CD1B: variants seen among roughly 807,000 people sequenced by gnomAD.
CD1B encodes CD1b molecule, also known as T-cell surface glycoprotein CD1b.
In CD1B, 43 loss-of-function variants were observed where a neutral mutation model predicts 39.8. The observed-to-expected ratio is 1.08, with a 90% CI of 0.85 to 1.39. CD1B has a LOEUF of 1.39. Ranked by LOEUF, CD1B falls within the 40% of genes most tolerant of loss-of-function variation. CD1B has a pLI of 0.00. For missense variants in CD1B, 495 were observed against 403.8 expected (o/e 1.23, Z -1.94); for synonymous variants, 192 against 152.5 (o/e 1.26, Z -1.91).
At chr1:158,321,186 A>T in the CD1B span, among the ~76,000 whole-genome samples, 2 of 152,178 alleles carry the variant, frequency 1.3e-5, no homozygotes, top group South Asian at 4.1e-4. Flanking sequence ...TGTATGTTCA[A>T]TTGTTGGGTA....
Position 158,329,781 on chromosome 1 carries a change from C to T in CD1B, c.607+71G>A. 3.8e-6 allele frequency: 6 copies of T among 1,566,472 alleles called. 1 individual carries two copies. The highest frequency in any genetic ancestry group is 2.2e-5 in the East Asian group (1 of 44,616). On this transcript the variant is annotated intron_variant, in intron 3 of 5. Transcript: ENST00000368168. Reference sequence around the variant, plus strand: ...ACCAAATAACTTGTTATTTAAGCTCCTATCCTTTGATATCTTCCTACTCTT... The same window carrying T: ...ACCAAATAACTTGTTATTTAAGCTCTTATCCTTTGATATCTTCCTACTCTT...
At chr1:158,315,755 T>C in the CD1B span, among the ~76,000 whole-genome samples, 1 of 152,214 alleles carries the variant, frequency 6.6e-6, no homozygotes, top group African/African-American at 2.4e-5. Flanking sequence ...TGAATGGTAT[T>C]GCCTAGGTTT....
chr1:158,288,767 T>C, the CD1B span, among the ~76,000 whole-genome samples: 5,857 of 152,332 alleles, frequency 0.038, 182 homozygotes, highest in Non-Finnish European at 0.059. Context: ...AGAAACACTA[T>C]AATAATAAAT....
the CD1B span, among the ~76,000 whole-genome samples, chr1:158,309,064 A>T: frequency 6.6e-6 from 1 of 152,198 alleles, no homozygotes; most frequent in African/African-American, 2.4e-5. Flanking sequence ...ATGGGAGAAA[A>T]CTTTTGCAAC....
chr1:158,315,933 G>T, the CD1B span, among the ~76,000 whole-genome samples: 62 of 152,044 alleles, frequency 4.1e-4, no homozygotes, highest in African/African-American at 1.4e-3. Context: ...CCCATTGCTG[G>T]TTTTTCTCAG....
the CD1B span, among the ~76,000 whole-genome samples, chr1:158,308,294 AAGG>A: frequency 6.6e-6 from 1 of 152,222 alleles, no homozygotes; most frequent in East Asian, 1.9e-4. Context: ...GGACCTCTTC[AAGG>A]AGAACTACAA....
chr1:158,327,670 T>A (rs1652404785), downstream of CD1B, among the ~76,000 whole-genome samples: 1 of 152,152 alleles, frequency 6.6e-6, no homozygotes, highest in Non-Finnish European at 1.5e-5. Context: ...AAAACAAAAA[T>A]AACTCCAATG....
downstream of CD1B, among the ~76,000 whole-genome samples, chr1:158,325,586 T>C (rs930382480): frequency 6.6e-6 from 1 of 152,160 alleles, no homozygotes; most frequent in Non-Finnish European, 1.5e-5. Flanking sequence ...ATTATTAGTT[T>C]ATTAGTTTTT....
At chr1:158,292,349 G>T in the CD1B span, 2 of 1,613,800 alleles carry the variant, frequency 1.2e-6, no homozygotes, top group Non-Finnish European at 1.7e-6. Flanking sequence ...CAGGGAAGAT[G>T]TATGTACACA....
chr1:158,323,624 GT>G (rs1652261378), downstream of CD1B, among the ~76,000 whole-genome samples: 1 of 152,174 alleles, frequency 6.6e-6, no homozygotes, highest in Non-Finnish European at 1.5e-5. Context: ...GTTTGTGCCT[GT>G]TTTTCTTCAC....
At chr1:158,304,447 G>A in the CD1B span, among the ~76,000 whole-genome samples, 358 of 152,256 alleles carry the variant, frequency 2.4e-3, 2 homozygotes, top group African/African-American at 8.1e-3. Flanking sequence ...CAGGAAGCTC[G>A]AATGGGGTGT....
downstream of CD1B, among the ~76,000 whole-genome samples, chr1:158,326,957 C>T (rs535664482): frequency 2.6e-3 from 388 of 152,088 alleles, no homozygotes; most frequent in African/African-American, 8.5e-3. Context: ...CCACCATGCC[C>T]GGCTAATTTT....
chr1:158,328,774 C>T, intron 5 of CD1B, 147 bp downstream of exon 5: 1 of 598,710 alleles, frequency 1.7e-6, no homozygotes. Context: ...TTTTTAAGTC[C>T]ACATAAAACG....
chr1:158,301,381 A>G, the CD1B span, among the ~76,000 whole-genome samples: 1 of 152,116 alleles, frequency 6.6e-6, no homozygotes, highest in Non-Finnish European at 1.5e-5. Context: ...TCTTCATAGC[A>G]TCAATGGTCT....
chr1:158,307,364 C>T, the CD1B span, among the ~76,000 whole-genome samples: 1 of 152,010 alleles, frequency 6.6e-6, no homozygotes, highest in Non-Finnish European at 1.5e-5. Context: ...GACACGTACA[C>T]CCCCCCAAGA....
the CD1B span, among the ~76,000 whole-genome samples, chr1:158,305,475 A>G: frequency 1.3e-5 from 2 of 152,216 alleles, no homozygotes; most frequent in South Asian, 2.1e-4. Flanking sequence ...TGAAAGTGAC[A>G]GGGAGAATGG....
the CD1B span, among the ~76,000 whole-genome samples, chr1:158,301,953 A>G: frequency 6.6e-6 from 1 of 152,112 alleles, no homozygotes; most frequent in East Asian, 1.9e-4. Context: ...CTTTTCACAT[A>G]GTACCATATA....
chr1:158,321,942 G>A, the CD1B span, among the ~76,000 whole-genome samples: 3 of 151,346 alleles, frequency 2.0e-5, no homozygotes, highest in East Asian at 5.8e-4. Context: ...TCAGGCCCCA[G>A]TGTGTGTTGC....
chr1:158,304,301 C>G, the CD1B span, among the ~76,000 whole-genome samples: 4 of 152,184 alleles, frequency 2.6e-5, no homozygotes, highest in African/African-American at 9.7e-5. Context: ...ATATCCCATG[C>G]CAGGCCTGGA....
Sources: gnomAD v4.1 joint callset for allele counts (sites outside exome capture counted in the v4.1 genomes callset) on GRCh38, gnomAD v4.1.1 for gene constraint, MANE v1.5 for transcripts, NCBI Gene and HGNC (gene_info 2026-07-23, HGNC 2026-07-21) for gene names.